WNK1: variants seen among roughly 807,000 people sequenced by gnomAD.
WNK1 encodes the protein serine/threonine-protein kinase WNK1.
WNK1 carries 38 observed loss-of-function variants against 222.8 expected under a neutral mutation model. That is an observed-to-expected ratio of 0.17 (90% CI 0.13 to 0.22). The LOEUF is 0.22. WNK1 is among the 10% of genes least tolerant of loss of function. WNK1 has a pLI of 1.00. For missense variants in WNK1, 2,348 were observed against 2,918.4 expected, an observed-to-expected ratio of 0.80 and a Z score of 4.50; for synonymous variants, 1,090 against 1,092.9, an observed-to-expected ratio of 1.00 and a Z score of 0.05.
At chr12:824,984 G>A (rs1043058148) in intron 2 of WNK1, among the ~76,000 whole-genome samples, 5 of 151,944 alleles carry the variant, frequency 3.3e-5, no homozygotes, top group Non-Finnish European at 7.4e-5. Context: ...TGCTTCACCC[G>A]TAAACCCTTC....
chr12:875,576 C>A (rs1952532397), intron 9 of WNK1, among the ~76,000 whole-genome samples: 1 of 151,960 alleles, frequency 6.6e-6, no homozygotes, highest in Non-Finnish European at 1.5e-5. Context: ...GCTTAAAGAT[C>A]TCTTTAAGAT....
chr12:900,779 C>A, intron 26 of WNK1, 109 bp downstream of exon 26: 1 of 1,306,360 alleles, frequency 7.7e-7, no homozygotes, highest in Non-Finnish European at 1.1e-6. Flanking sequence ...AGAACACAGC[C>A]TGTGTGTTGT....
rs1486985641 is a variant in WNK1, at chr12:896,465, T to C, written c.5978T>C (p.Ile1993Thr). ...DLEQAVLPAV[I>T]PKKEKPELSE... ...GAACAAGCTGTTCTTCCTGCTGTGA[T>C]ACCAAAGAAAGAGAAGCCTGAACTG... Residue 1993 changes from isoleucine (I) to threonine (T), a missense_variant, in exon 24 of 28, where the codon ATA becomes ACA. This residue lies in a region of WNK1 where 1,144 missense variants were observed against 1,273.6 expected (regional missense o/e 0.90). Coordinates refer to ENST00000315939, the MANE Select transcript of WNK1 (RefSeq NM_018979.4). 2 of 1,613,878 alleles carry C rather than the reference T, an allele frequency of 1.2e-6. No individual in the cohort carries two copies. Among genetic ancestry groups the C allele is most frequent in the African/African-American group, 2.7e-5 (2 of 74,852 alleles).
chr12:802,938 A>G (rs188218334), intron 1 of WNK1, among the ~76,000 whole-genome samples: 1 of 152,304 alleles, frequency 6.6e-6, no homozygotes, highest in East Asian at 1.9e-4. Context: ...AATAAGAGAC[A>G]TTTTCCATAG....
chr12:885,400 A>T lies in WNK1; in HGVS notation c.4596A>T (p.Thr1532=). The change falls in exon 19 of 28, where the codon ACA becomes ACT. Residue 1532 remains threonine (T), a synonymous_variant. Transcript: ENST00000315939. ...VVVSAHSLDK[T]SHSSTTGLAF... ...TTAGCGCACACTCACTAGATAAGAC[A>T]TCTCATAGCAGTACAACTGGATTGG... The T allele has an allele frequency of 6.2e-7, 1 of 1,613,706 alleles. No homozygotes were observed. The highest frequency in any genetic ancestry group is 8.5e-7 in the Non-Finnish European group (1 of 1,180,016).
At chr12:792,347 G>A (rs537630726) in intron 1 of WNK1, among the ~76,000 whole-genome samples, 1 of 117,410 alleles carries the variant, frequency 8.5e-6, no homozygotes, top group Admixed American at 1.2e-4. Flanking sequence ...GAGTCTCACT[G>A]TGTCACCCAG....
At chr12:779,712 A>C (rs991047677) in intron 1 of WNK1, among the ~76,000 whole-genome samples, 3 of 152,054 alleles carry the variant, frequency 2.0e-5, no homozygotes, top group Non-Finnish European at 2.9e-5. Context: ...CCTTTCCCTT[A>C]ATTTTCTGAA....
intron 5 of WNK1, 123 bp downstream of exon 5, chr12:857,372 T>C: frequency 1.1e-6 from 1 of 917,298 alleles, no homozygotes. Flanking sequence ...TTTGTGCCTG[T>C]AACATTTTTA....
In WNK1 at chr12:753,562, G is replaced by A. The variant is rs754271236; in HGVS notation, c.-4G>A. 1 of 1,612,268 alleles carries A rather than the reference G, an allele frequency of 6.2e-7. No homozygotes were observed. Among genetic ancestry groups the A allele is most frequent in the East Asian group, 2.2e-5 (1 of 44,854 alleles). On this transcript the variant is annotated 5_prime_UTR_variant, in exon 1 of 28. Transcript: ENST00000315939. This position sits in a 1 kb window ranked among gnomAD's most constrained non-coding sequence, Gnocchi z 5.2. ...CCCGCTCGCCTCTCTCCAGCGAACC[G>A]ACCATGTCTGGCGGCGCCGCAGAGA...
intron 22 of WNK1, 143 bp downstream of exon 22, chr12:890,656 T>C: frequency 1.1e-6 from 1 of 892,116 alleles, no homozygotes; most frequent in Non-Finnish European, 1.8e-6. Flanking sequence ...CTTGAAAGAT[T>C]AGCAAATTAA....
rs11433731 is a variant in WNK1, at chr12:900,016, C to CTTTT, written c.6449-444_6449-441dup. On this transcript the variant is annotated intron_variant, in intron 25 of 27. Transcript: ENST00000315939. ...GGCCCTATTACCTATGGATTCTTTT[C>CTTTT]TTTTTTTTTTTTTTTTTTTGAGTGC... 1.9e-4 allele frequency among the ~76,000 whole-genome samples: 23 copies of CTTTT among 119,638 alleles called. No individual in the cohort carries two copies. In the East Asian group the frequency reaches 2.4e-3, roughly 13 times the overall value. 78.5% of individuals were successfully genotyped at this position (119,638 alleles called of 152,430 possible).
chr12:753,988 C>A lies in WNK1; in HGVS notation c.423C>A (p.Ala141=). The A allele has an allele frequency of 6.3e-7, 1 of 1,592,152 alleles. No individual in the cohort carries two copies. Among genetic ancestry groups the A allele is most frequent in the Non-Finnish European group, 8.5e-7 (1 of 1,169,946 alleles). Reference sequence around the variant, plus strand: ...TAGCCCAGCAGCCTCCAGCCGCTGCCGCCCCTGGGGAACAGGCCGTCGCGG... The same window carrying A: ...TAGCCCAGCAGCCTCCAGCCGCTGCAGCCCCTGGGGAACAGGCCGTCGCGG... ...SQVAQQPPAA[A]APGEQAVAGP... is the part of the protein sequence containing the mutation. Residue 141 remains alanine (A), a synonymous_variant, in exon 1 of 28, where the codon GCC becomes GCA. Coordinates refer to ENST00000315939, the MANE Select transcript of WNK1 (RefSeq NM_018979.4). This position sits in a 1 kb window ranked among gnomAD's most constrained non-coding sequence, Gnocchi z 5.2.
chr12:787,791 A>G (rs939591512), intron 1 of WNK1, among the ~76,000 whole-genome samples: 9 of 152,078 alleles, frequency 5.9e-5, no homozygotes, highest in Non-Finnish European at 1.2e-4. Flanking sequence ...AAAAAATGTT[A>G]AAAACTTAGA....
intron 8 of WNK1, among the ~76,000 whole-genome samples, chr12:864,365 C>T (rs572820138): frequency 1.8e-4 from 27 of 152,220 alleles, no homozygotes; most frequent in African/African-American, 6.5e-4. Flanking sequence ...CCTGCCTCGG[C>T]CTCCCAAAGT....
rs140918667 is a variant in WNK1 at position 860,813 on chromosome 12, C to T, written c.1621-200C>T. ...TCTGCAAAAATGGTGGTACCCACCC[C>T]TCAAGTATCTACAAAGATGGTAGGG... is the stretch of plus-strand genomic sequence containing the variant. On this transcript the variant is annotated intron_variant, in intron 6 of 27. Transcript: ENST00000315939. 8.4e-3 allele frequency among the ~76,000 whole-genome samples: 1,281 copies of T among 152,192 alleles called. 12 individuals are homozygous for T. The highest frequency in any genetic ancestry group is 0.011 in the Non-Finnish European group (760 of 68,020).
intron 9 of WNK1, among the ~76,000 whole-genome samples, chr12:875,722 T>C (rs911659576): frequency 3.9e-5 from 6 of 152,236 alleles, no homozygotes; most frequent in African/African-American, 7.2e-5. Context: ...GAATGTGTTA[T>C]GTTATGCCAG....
intron 5 of WNK1, among the ~76,000 whole-genome samples, chr12:857,951 A>T (rs1950911968): frequency 6.6e-6 from 1 of 152,226 alleles, no homozygotes; most frequent in Admixed American, 6.5e-5. Flanking sequence ...TTGCAAATTG[A>T]GCATAATCTA....
rs546025058 is a variant in WNK1 at position 810,725 on chromosome 12, G to A, written c.760-2917G>A. ...AAACAGCTTCTTAAAAGCAAGGGAC[G>A]GAAGATGTGCAAATGGTTATGAGGT... On this transcript the variant is annotated intron_variant, in intron 1 of 27. Transcript: ENST00000315939. Among the ~76,000 whole-genome samples the A allele has an allele frequency of 1.3e-4, 20 of 152,302 alleles. 1 individual carries two copies. The South Asian group carries it at 2.7e-3, about 21-fold the overall frequency.
intron 4 of WNK1, among the ~76,000 whole-genome samples, chr12:836,714 C>G (rs1949212190): frequency 6.6e-6 from 1 of 152,160 alleles, no homozygotes; most frequent in East Asian, 1.9e-4. Flanking sequence ...AAGTATGATT[C>G]TGATTACATA....
Sources: gnomAD v4.1 joint callset for allele counts (sites outside exome capture counted in the v4.1 genomes callset) on GRCh38, gnomAD v4.1.1 for gene constraint, gnomAD v4.1.1 regional missense constraint, Gnocchi (gnomAD v3.1) non-coding constraint, MANE v1.5 for transcripts, NCBI Gene and HGNC (gene_info 2026-07-23, HGNC 2026-07-21) for gene names.